The following BANK1 variants were observed in gnomAD, a reference collection of about 807,000 sequenced individuals.
BANK1 encodes B cell scaffold protein with ankyrin repeats 1, also known as B-cell scaffold protein with ankyrin repeats.
BANK1 carries 95 observed loss-of-function variants against 94.5 expected under a neutral mutation model. The ratio of observed to expected loss-of-function variants is 1.00; its 90% confidence interval spans 0.85 to 1.19. The LOEUF (loss-of-function observed/expected upper bound fraction) is 1.19, where lower values mean the gene tolerates loss of function less well. BANK1 is among the 50% of genes most tolerant of loss of function. BANK1 has a pLI of 0.00. For synonymous variants in BANK1, 334 were observed against 308.4 expected (o/e 1.08, Z -0.87); for missense variants, 987 against 932.2 (o/e 1.06, Z -0.77).
chr4:101,963,273 A>G (rs1440180885), intron 7 of BANK1, among the ~76,000 whole-genome samples: 3 of 152,140 alleles, frequency 2.0e-5, no homozygotes, highest in East Asian at 1.9e-4. Context: ...CTAAGACTGT[A>G]TAAGTTCTCC....
At chr4:101,982,927 C>G (rs575346009) in intron 7 of BANK1, among the ~76,000 whole-genome samples, 11 of 151,972 alleles carry the variant, frequency 7.2e-5, no homozygotes, top group African/African-American at 2.4e-4. Context: ...TAGAAGCTTT[C>G]CCTAAATTCC....
intron 7 of BANK1, among the ~76,000 whole-genome samples, chr4:102,017,287 G>A (rs576388950): frequency 2.6e-5 from 4 of 152,202 alleles, no homozygotes; most frequent in South Asian, 4.2e-4. Context: ...CCCAATAAAG[G>A]TGCTGACACC....
At chr4:101,799,853 G>A (rs923835080) in intron 1 of BANK1, among the ~76,000 whole-genome samples, 1 of 152,098 alleles carries the variant, frequency 6.6e-6, no homozygotes, top group Non-Finnish European at 1.5e-5. Flanking sequence ...CAGCCTGGGT[G>A]ACAGAGTGAG....
At chr4:101,880,894 C>T (rs9999440) in intron 5 of BANK1, among the ~76,000 whole-genome samples, 70,487 of 151,828 alleles carry the variant, frequency 0.46, 17,893 homozygotes, top group African/African-American at 0.68. Flanking sequence ...ACTAGACCCA[C>T]ATTTCTCACC....
At chr4:101,987,033 T>C (rs980857478) in intron 7 of BANK1, among the ~76,000 whole-genome samples, 1 of 145,618 alleles carries the variant, frequency 6.9e-6, no homozygotes, top group African/African-American at 2.5e-5. Context: ...GTCAAGAAAA[T>C]ATTGTGATCT....
chr4:101,859,067 A>G (rs1265926288), intron 3 of BANK1, among the ~76,000 whole-genome samples: 1 of 152,246 alleles, frequency 6.6e-6, no homozygotes, highest in East Asian at 1.9e-4. Context: ...AGTGTACAAA[A>G]GCTAACAGCA....
At chr4:101,816,737 T>C (rs1725932510) in intron 1 of BANK1, among the ~76,000 whole-genome samples, 1 of 152,186 alleles carries the variant, frequency 6.6e-6, no homozygotes, top group African/African-American at 2.4e-5. Flanking sequence ...ATCATACTTT[T>C]TTCTAATGGA....
At chr4:101,982,689 T>G (rs1725361140) in intron 7 of BANK1, among the ~76,000 whole-genome samples, 1 of 151,964 alleles carries the variant, frequency 6.6e-6, no homozygotes, top group Non-Finnish European at 1.5e-5. Context: ...CTATATCTGA[T>G]TTGTTTCTGA....
At chr4:101,808,598 G>A (rs1725638492) in intron 1 of BANK1, among the ~76,000 whole-genome samples, 1 of 151,798 alleles carries the variant, frequency 6.6e-6, no homozygotes, top group African/African-American at 2.4e-5. Context: ...GAAAATATTT[G>A]CAAACTATGC....
chr4:101,818,354 G>A (rs564750014), intron 1 of BANK1, among the ~76,000 whole-genome samples: 3 of 152,314 alleles, frequency 2.0e-5, no homozygotes, highest in Non-Finnish European at 4.4e-5. Flanking sequence ...CTGTGGAATA[G>A]CAGTTAATAT....
At chr4:101,860,920 A>G (rs918420661) in intron 3 of BANK1, among the ~76,000 whole-genome samples, 1 of 152,240 alleles carries the variant, frequency 6.6e-6, no homozygotes, top group South Asian at 2.1e-4. Flanking sequence ...ACTGAGCCCA[A>G]GTGAAATGGA....
intron 2 of BANK1, among the ~76,000 whole-genome samples, chr4:101,841,232 A>C (rs770759548): frequency 6.6e-6 from 1 of 152,220 alleles, no homozygotes; most frequent in East Asian, 1.9e-4. Context: ...TAAAAGAAGC[A>C]GGAAGAAAAT....
At chr4:102,032,836 C>G (rs2148951805) in intron 10 of BANK1, among the ~76,000 whole-genome samples, 2 of 151,698 alleles carry the variant, frequency 1.3e-5, no homozygotes, top group Middle Eastern at 6.8e-3. Flanking sequence ...AGTGAGCCAA[C>G]ATCGCACCAC....
intron 7 of BANK1, among the ~76,000 whole-genome samples, chr4:102,005,686 C>A (rs1165597384): frequency 6.6e-6 from 1 of 152,016 alleles, no homozygotes; most frequent in Admixed American, 6.6e-5. Flanking sequence ...TGAGCATTTA[C>A]AATGAGCAAG....
chr4:102,016,340 T>C (rs1726697801), intron 7 of BANK1, among the ~76,000 whole-genome samples: 1 of 152,212 alleles, frequency 6.6e-6, no homozygotes, highest in Non-Finnish European at 1.5e-5. Context: ...CTGTATTTCC[T>C]GGTATAGTGT....
intron 13 of BANK1, among the ~76,000 whole-genome samples, chr4:102,066,466 C>T (rs895018672): frequency 1.3e-5 from 2 of 152,026 alleles, no homozygotes; most frequent in African/African-American, 4.8e-5. Context: ...ACCATGTTAG[C>T]CAGGATGGTC....
intron 7 of BANK1, among the ~76,000 whole-genome samples, chr4:102,016,773 T>G (rs1444649172): frequency 6.6e-6 from 1 of 152,192 alleles, no homozygotes; most frequent in Non-Finnish European, 1.5e-5. Flanking sequence ...CATAACTGTT[T>G]TCTTCTAATA....
At chr4:102,038,189 C>A (rs1727581654) in intron 10 of BANK1, among the ~76,000 whole-genome samples, 1 of 152,016 alleles carries the variant, frequency 6.6e-6, no homozygotes, top group Non-Finnish European at 1.5e-5. Context: ...TATTAGAGTA[C>A]CAAGTTTTAT....
chr4:101,799,178 A>G (rs1241435690), intron 1 of BANK1, among the ~76,000 whole-genome samples: 2 of 152,126 alleles, frequency 1.3e-5, no homozygotes, highest in Admixed American at 6.5e-5. Flanking sequence ...CTCTCTATAT[A>G]TGGCTAGCCA....
Sources: gnomAD v4.1 joint callset for allele counts (sites outside exome capture counted in the v4.1 genomes callset) on GRCh38, gnomAD v4.1.1 for gene constraint, MANE v1.5 for transcripts, NCBI Gene and HGNC (gene_info 2026-07-23, HGNC 2026-07-21) for gene names.